Variants in C3orf20 observed in about 807,000 individuals in gnomAD.
C3orf20 encodes the protein family with sequence similarity 149 member C, also known as uncharacterized protein C3orf20.
Under a neutral mutation model 88.3 loss-of-function variants are expected in C3orf20, and 76 were observed. The ratio of observed to expected loss-of-function variants is 0.86; its 90% CI spans 0.72 to 1.04. The LOEUF is 1.04. Among genes scored for constraint, C3orf20 ranks in the 50% least tolerant of loss-of-function variants. The pLI, the probability that C3orf20 is intolerant of heterozygous loss-of-function variation, is 0.00. For synonymous variants in C3orf20, 436 were observed against 437.4 expected (o/e 1.00, Z 0.04); for missense variants, 1,056 against 1,123.3 (o/e 0.94, Z 0.86).
intron 12 of C3orf20, among the ~76,000 whole-genome samples, chr3:14,751,385 GC>G (rs1450856630): frequency 6.6e-6 from 1 of 152,202 alleles, no homozygotes; most frequent in Non-Finnish European, 1.5e-5. Context: ...AGCGGGTGCA[GC>G]CCCCGGAGGG....
intron 12 of C3orf20, among the ~76,000 whole-genome samples, chr3:14,755,526 A>C (rs2035337731): frequency 6.6e-6 from 1 of 152,200 alleles, no homozygotes; most frequent in Non-Finnish European, 1.5e-5. Context: ...CCAGATATGC[A>C]GGTTCTTGAG....
chr3:14,722,613 C>A (rs1029282684), intron 10 of C3orf20: 1 of 456,548 alleles, frequency 2.2e-6, no homozygotes, highest in Non-Finnish European at 4.4e-6. Context: ...GCCGTGACAA[C>A]GTCCATTCTA....
intron 1 of C3orf20, among the ~76,000 whole-genome samples, chr3:14,676,631 C>G (rs1459879280): frequency 3.9e-5 from 6 of 152,198 alleles, no homozygotes; most frequent in Admixed American, 2.0e-4. Flanking sequence ...TCCTCCCCCC[C>G]ATTTTGAAAC....
rs915657210 is a variant in C3orf20, at chr3:14,772,501, C to T, written c.2631-290C>T. Among the ~76,000 whole-genome samples the T allele has an allele frequency of 6.6e-6, 1 of 152,252 alleles. No individual in the cohort carries two copies. Among genetic ancestry groups the T allele is most frequent in the Non-Finnish European group, 1.5e-5 (1 of 68,040 alleles). On this transcript the variant is annotated intron_variant, in intron 16 of 16. Transcript: ENST00000253697. This position sits in a 1 kb window ranked among gnomAD's most constrained non-coding sequence, Gnocchi z 4.2. ...TGCCCCGCTGTCTCCTTGCAAGAAA[C>T]TTGCTGCACCTGTTAAAGGCCACTT...
intron 12 of C3orf20, among the ~76,000 whole-genome samples, chr3:14,750,386 C>CA (rs1370596167): frequency 6.6e-6 from 1 of 151,942 alleles, no homozygotes; most frequent in African/African-American, 2.4e-5. Flanking sequence ...CTTGTCTCTA[C>CA]AAAAAACCTG....
chr3:14,715,433 G>A (rs879236024), intron 9 of C3orf20, 24 bp downstream of exon 9: 1 of 1,602,546 alleles, frequency 6.2e-7, no homozygotes, highest in Non-Finnish European at 8.5e-7. Context: ...GCACAGGTTG[G>A]GTGGCAGTGA....
chr3:14,721,595 A>AGG (rs941279363), intron 9 of C3orf20, 58 bp from the exon 10 acceptor site: 79 of 1,597,926 alleles, frequency 4.9e-5, no homozygotes, highest in Admixed American at 4.4e-4. Context: ...TGGGTCAGGA[A>AGG]GGGGTGGCTG....
chr3:14,712,154 ACACACACACG>A (rs2033764688), intron 7 of C3orf20, among the ~76,000 whole-genome samples: 2 of 136,956 alleles, frequency 1.5e-5, no homozygotes, highest in South Asian at 4.8e-4. Context: ...GAGAAAACAG[ACACACACACG>A]CACACACACG....
At chr3:14,697,570 A>C (rs1405617103) in intron 5 of C3orf20, among the ~76,000 whole-genome samples, 1 of 151,706 alleles carries the variant, frequency 6.6e-6, no homozygotes, top group African/African-American at 2.4e-5. Flanking sequence ...TTTTTATTAT[A>C]CTTTAAGTTC....
At chr3:14,759,007 CG>C (rs1025801851) in intron 13 of C3orf20, among the ~76,000 whole-genome samples, 6 of 152,150 alleles carry the variant, frequency 3.9e-5, no homozygotes, top group African/African-American at 1.4e-4. Context: ...AGTCGTTGTT[CG>C]CTAACAGTTG....
chr3:14,760,636 G>A (rs1239986469), intron 14 of C3orf20, among the ~76,000 whole-genome samples: 2 of 115,438 alleles, frequency 1.7e-5, no homozygotes, highest in African/African-American at 6.6e-5. Context: ...TTGAGACAGA[G>A]TCTCACTCTC....
Position 14,757,388 on chromosome 3 carries a change from G to C in C3orf20, c.1958G>C (p.Gly653Ala). The C allele has an allele frequency of 6.2e-7, 1 of 1,611,434 alleles. No individual in the cohort carries two copies. Among genetic ancestry groups the C allele is most frequent in the African/African-American group, 1.3e-5 (1 of 75,002 alleles). ...KVTSRGKAREGRSPTRWAALP... is the reference protein window; with the variant it reads ...KVTSRGKAREARSPTRWAALP... ...CCTTGCAGAGGGAAGGCCCGCGAGGGGCGCAGCCCCACCAGGTGGGCGGCC... is the reference window on the plus strand; with the variant it reads ...CCTTGCAGAGGGAAGGCCCGCGAGGCGCGCAGCCCCACCAGGTGGGCGGCC... Residue 653 changes from glycine to alanine, a missense_variant, in exon 13 of 17, where the codon GGG becomes GCG. Coordinates refer to ENST00000253697, the MANE Select transcript of C3orf20 (RefSeq NM_032137.5).
At chr3:14,678,980 G>A (rs1297008903) in intron 1 of C3orf20, among the ~76,000 whole-genome samples, 2 of 151,766 alleles carry the variant, frequency 1.3e-5, no homozygotes, top group African/African-American at 4.9e-5. Flanking sequence ...GCTCTCCCAC[G>A]GATCCCCCCA....
Position 14,682,876 on chromosome 3 carries a change from A to C in C3orf20, c.163A>C (p.Ile55Leu). 2.5e-6 allele frequency: 4 copies of C among 1,614,236 alleles called. No individual in the cohort carries two copies. The highest frequency in any genetic ancestry group is 3.4e-6 in the Non-Finnish European group (4 of 1,180,030). The change falls in exon 3 of 17, where the codon ATC becomes CTC. Residue 55 changes from isoleucine (I) to leucine (L), a missense_variant. Coordinates refer to ENST00000253697, the MANE Select transcript of C3orf20 (RefSeq NM_032137.5). ...NIFEFTWEEL[I>L]SDPSVPTPSD... ...CTTTGAGTTCACTTGGGAAGAGCTC[A>C]TCAGTGACCCTTCAGTGCCTACCCC...
intron 4 of C3orf20, among the ~76,000 whole-genome samples, chr3:14,685,931 G>A (rs576610744): frequency 1.5e-5 from 2 of 137,046 alleles, no homozygotes; most frequent in Admixed American, 1.7e-4. Flanking sequence ...GCACGATCTT[G>A]GCTCGCTGCA....
At chr3:14,722,085 G>T in intron 10 of C3orf20, 1 of 327,356 alleles carries the variant, frequency 3.1e-6, no homozygotes, top group East Asian at 6.4e-5. Context: ...TTCAGGCATG[G>T]CTGGATCCAG....
At chr3:14,761,793 G>A (rs2035572279) in intron 15 of C3orf20, among the ~76,000 whole-genome samples, 178 bp downstream of exon 15, 1 of 152,108 alleles carries the variant, frequency 6.6e-6, no homozygotes, top group Non-Finnish European at 1.5e-5. Flanking sequence ...AAAAACTGCG[G>A]CAGGAGGACT....
rs1188139162 is a variant in C3orf20 at position 14,708,471 on chromosome 3, C to CT, written c.1160+3865dup. On this transcript the variant is annotated intron_variant, in intron 7 of 16. Transcript: ENST00000253697. ...AAATAAGGTAGTGTGAGTCCTCCCACTTTTTTTTTTTTCAAGACTATTTTG... is the reference window on the plus strand; with the variant it reads ...AAATAAGGTAGTGTGAGTCCTCCCACTTTTTTTTTTTTTCAAGACTATTTTG... Among the ~76,000 whole-genome samples the CT allele has an allele frequency of 2.1e-3, 296 of 140,530 alleles. 1 individual carries two copies. The highest frequency in any genetic ancestry group is 5.6e-3 in the African/African-American group (214 of 38,460). The allele number at this position is 140,530 out of a possible 152,430, so 92.2% of individuals were successfully genotyped here. A position where few individuals can be genotyped will look rare whatever the true frequency, so the allele number is the denominator to read the frequency against.
chr3:14,756,499 TTAGA>T (rs1256081713), intron 12 of C3orf20, among the ~76,000 whole-genome samples: 1 of 152,160 alleles, frequency 6.6e-6, no homozygotes, highest in Admixed American at 6.5e-5. Flanking sequence ...AAAAGATATG[TTAGA>T]TAGCAAGCAA....
Sources: allele counts gnomAD v4.1 joint callset (sites outside exome capture counted in the v4.1 genomes callset), GRCh38; gene constraint gnomAD v4.1.1; non-coding constraint Gnocchi (gnomAD v3.1); transcripts MANE v1.5; gene names NCBI Gene and HGNC (gene_info 2026-07-23, HGNC 2026-07-21).